Variants in EPB41L4A observed in about 807,000 individuals in gnomAD.
EPB41L4A encodes the protein erythrocyte membrane protein band 4.1 like 4A.
In EPB41L4A, 100 loss-of-function variants were observed where a neutral mutation model predicts 108.6. The observed-to-expected ratio is 0.92, with a 90% CI of 0.78 to 1.09. The LOEUF (loss-of-function observed/expected upper bound fraction) is 1.09, where lower values mean the gene tolerates loss of function less well. EPB41L4A is among the 50% of genes least tolerant of loss of function. The pLI, the probability that EPB41L4A is intolerant of heterozygous loss-of-function variation, is 0.00. For synonymous variants in EPB41L4A, 319 were observed against 289.0 expected (o/e 1.10, Z -1.05); for missense variants, 1,030 against 842.7 (o/e 1.22, Z -2.75).
At chr5:112,230,011 T>A (rs1363722065) in intron 12 of EPB41L4A, among the ~76,000 whole-genome samples, 1 of 145,646 alleles carries the variant, frequency 6.9e-6, no homozygotes, top group African/African-American at 2.5e-5. Flanking sequence ...AAAAGAATAA[T>A]GGTCTCCAAC....
At chr5:112,302,143 C>G (rs917610215) in intron 2 of EPB41L4A, among the ~76,000 whole-genome samples, 1 of 152,032 alleles carries the variant, frequency 6.6e-6, no homozygotes, top group African/African-American at 2.4e-5. Context: ...AACCAAAGAT[C>G]TGGATCTACT....
chr5:112,419,323 G>A (rs908545214), upstream of EPB41L4A: 27 of 348,182 alleles, frequency 7.8e-5, no homozygotes, highest in African/African-American at 5.4e-4. Flanking sequence ...TGCGGCTCGA[G>A]CTCCTCCGAA....
chr5:112,203,204 A>C (rs903861612), intron 15 of EPB41L4A, among the ~76,000 whole-genome samples: 1 of 152,094 alleles, frequency 6.6e-6, no homozygotes, highest in Non-Finnish European at 1.5e-5. Flanking sequence ...AAAAATAAAA[A>C]AATTAGCCGG....
intron 9 of EPB41L4A, among the ~76,000 whole-genome samples, chr5:112,247,828 T>C (rs1035650944): frequency 6.6e-6 from 1 of 152,306 alleles, no homozygotes; most frequent in East Asian, 1.9e-4. Context: ...TTTGAACTAT[T>C]TCTTCAGGTA....
chr5:112,417,779 T>G (rs948331090), intron 1 of EPB41L4A, among the ~76,000 whole-genome samples: 1 of 152,160 alleles, frequency 6.6e-6, no homozygotes, highest in African/African-American at 2.4e-5. Flanking sequence ...TCTTGTAGCT[T>G]TAACTGATTA....
At chr5:112,390,426 A>C (rs1760859105) in intron 1 of EPB41L4A, among the ~76,000 whole-genome samples, 1 of 152,186 alleles carries the variant, frequency 6.6e-6, no homozygotes, top group East Asian at 1.9e-4. Context: ...TCTCACACCC[A>C]CGGAGCCTTG....
At chr5:112,171,198 T>C (rs1466364503) in intron 18 of EPB41L4A, among the ~76,000 whole-genome samples, 1 of 152,168 alleles carries the variant, frequency 6.6e-6, no homozygotes, top group Non-Finnish European at 1.5e-5. Context: ...AGGAAAATCA[T>C]AAAACCCAGT....
chr5:112,145,234 G>C (rs997245574), intron 13 of EPB41L4A, among the ~76,000 whole-genome samples: 1 of 152,184 alleles, frequency 6.6e-6, no homozygotes. Flanking sequence ...AGGTTGCAGT[G>C]AGCCAAGATC....
chr5:112,402,984 C>G (rs1225939303), intron 1 of EPB41L4A, among the ~76,000 whole-genome samples: 2 of 151,928 alleles, frequency 1.3e-5, no homozygotes, highest in African/African-American at 2.4e-5. Flanking sequence ...TGTCATGTCA[C>G]TTATTTTTCT....
chr5:112,232,706 T>C (rs1411541032), intron 12 of EPB41L4A, among the ~76,000 whole-genome samples: 1 of 152,182 alleles, frequency 6.6e-6, no homozygotes, highest in African/African-American at 2.4e-5. Flanking sequence ...AATGTTAATA[T>C]TGTTACTAAA....
intron 15 of EPB41L4A, among the ~76,000 whole-genome samples, chr5:112,203,088 C>T (rs1207188243): frequency 2.6e-5 from 4 of 151,540 alleles, no homozygotes; most frequent in African/African-American, 4.8e-5. Context: ...AAAAAGAGGC[C>T]GGGCGCGGTG....
At chr5:112,228,009 T>C (rs1045324922) in intron 12 of EPB41L4A, among the ~76,000 whole-genome samples, 6 of 152,096 alleles carry the variant, frequency 3.9e-5, no homozygotes, top group Non-Finnish European at 8.8e-5. Flanking sequence ...TCTGGAGTAA[T>C]GGAGTGTTTG....
At chr5:112,152,168 A>G (rs1759493124) in intron 12 of EPB41L4A, among the ~76,000 whole-genome samples, 1 of 152,180 alleles carries the variant, frequency 6.6e-6, no homozygotes, top group South Asian at 2.1e-4. Context: ...CAAATCCAAT[A>G]CAAGACCAAA....
At position 112,262,497 on chromosome 5, in the gene EPB41L4A, G is replaced by C; in HGVS notation, c.639C>G (p.Val213=). ...GTGTTAATTAAATGTTACTCACATA[G>C]ACGGGATGGAGGTCAACGCCATACA... ...LEMYGVDLHP[V]YGENKSEYFL... The change falls in exon 7 of 23, where the codon GTC becomes GTG. Residue 213 remains valine, a synonymous_variant. Coordinates refer to ENST00000261486, the MANE Select transcript of EPB41L4A (RefSeq NM_022140.5). The C allele has an allele frequency of 6.2e-7, 1 of 1,612,700 alleles. No homozygotes were observed. Among genetic ancestry groups the C allele is most frequent in the Non-Finnish European group, 8.5e-7 (1 of 1,178,830 alleles).
At chr5:112,418,911 C>A in intron 1 of EPB41L4A, 30 bp downstream of exon 1, 1 of 1,577,004 alleles carries the variant, frequency 6.3e-7, no homozygotes, top group Non-Finnish European at 8.7e-7. Context: ...CTGCCGCCAA[C>A]CCCCGGAACG....
chr5:112,412,628 T>C (rs1352054679), intron 1 of EPB41L4A, among the ~76,000 whole-genome samples: 2 of 152,222 alleles, frequency 1.3e-5, no homozygotes, highest in African/African-American at 4.8e-5. Flanking sequence ...TGTTTAATCT[T>C]AACATATGAA....
intron 1 of EPB41L4A, among the ~76,000 whole-genome samples, chr5:112,321,748 G>C (rs923510525): frequency 1.3e-5 from 2 of 152,132 alleles, no homozygotes; most frequent in African/African-American, 4.8e-5. Context: ...TAATAGCATA[G>C]TAGATGCCAA....
At chr5:112,257,993 T>G (rs1751229444) in intron 9 of EPB41L4A, among the ~76,000 whole-genome samples, 1 of 152,228 alleles carries the variant, frequency 6.6e-6, no homozygotes, top group Non-Finnish European at 1.5e-5. Flanking sequence ...AAGAACACAT[T>G]GGATTTCCTC....
intron 11 of EPB41L4A, among the ~76,000 whole-genome samples, chr5:112,238,698 G>T (rs1490216693): frequency 6.6e-6 from 1 of 152,084 alleles, no homozygotes; most frequent in African/African-American, 2.4e-5. Flanking sequence ...ACCCTGCTTG[G>T]GTTTTACAAG....
Sources: allele counts gnomAD v4.1 joint callset (sites outside exome capture counted in the v4.1 genomes callset), GRCh38; gene constraint gnomAD v4.1.1; transcripts MANE v1.5; gene names NCBI Gene and HGNC (gene_info 2026-07-23, HGNC 2026-07-21).